B3GALT1: variants seen among roughly 807,000 people sequenced by gnomAD.
The protein encoded by B3GALT1 is beta-1,3-galactosyltransferase 1.
B3GALT1 carries 10 observed loss-of-function variants against 23.2 expected under a neutral mutation model. The observed-to-expected ratio is 0.43, with a 90% confidence interval of 0.27 to 0.73. The LOEUF (loss-of-function observed/expected upper bound fraction) is 0.73. B3GALT1 is among the 30% of genes least tolerant of loss of function. B3GALT1 has a pLI of 0.21. For synonymous variants in B3GALT1, 156 were observed against 141.5 expected (o/e 1.10, Z -0.73); for missense variants, 299 against 405.4 (o/e 0.74, Z 2.25).
intron 2 of B3GALT1, among the ~76,000 whole-genome samples, chr2:167,506,544 AAG>A (rs1699921107): frequency 6.6e-6 from 1 of 152,200 alleles, no homozygotes; most frequent in South Asian, 2.1e-4. Context: ...TGAGGAAAGA[AAG>A]AAGTAAAACC....
intron 4 of B3GALT1, among the ~76,000 whole-genome samples, chr2:167,851,786 C>T (rs1689897850): frequency 6.6e-6 from 1 of 152,206 alleles, no homozygotes; most frequent in African/African-American, 2.4e-5. Flanking sequence ...GAACCATCGC[C>T]TAGAGTTCCT....
chr2:167,495,514 G>C (rs1699772090), intron 2 of B3GALT1, among the ~76,000 whole-genome samples: 1 of 151,922 alleles, frequency 6.6e-6, no homozygotes, highest in Admixed American at 6.6e-5. Context: ...TGTATTTTTA[G>C]TAGAGACAGG....
At chr2:167,661,658 A>C (rs1207145345) in intron 3 of B3GALT1, among the ~76,000 whole-genome samples, 1 of 152,082 alleles carries the variant, frequency 6.6e-6, no homozygotes, top group Admixed American at 6.6e-5. Context: ...CCCCTGGGGC[A>C]CAAAATTGCA....
At chr2:167,334,302 ATCT>A (rs1220098757) in intron 1 of B3GALT1, among the ~76,000 whole-genome samples, 2 of 152,302 alleles carry the variant, frequency 1.3e-5, no homozygotes, top group Admixed American at 6.5e-5. Flanking sequence ...TCTCCTCCTA[ATCT>A]TCTAAGAGGA....
At chr2:167,581,338 T>C (rs1365683821) in intron 2 of B3GALT1, among the ~76,000 whole-genome samples, 1 of 152,232 alleles carries the variant, frequency 6.6e-6, no homozygotes, top group East Asian at 1.9e-4. Context: ...AAGTGTAATG[T>C]GCCTTTAGAA....
chr2:167,363,990 C>G (rs1269078060), intron 1 of B3GALT1, among the ~76,000 whole-genome samples: 1 of 151,848 alleles, frequency 6.6e-6, no homozygotes, highest in Non-Finnish European at 1.5e-5. Flanking sequence ...GAAACCCCGT[C>G]TCTACTAAAA....
At chr2:167,710,950 G>A (rs1687038471) in intron 3 of B3GALT1, among the ~76,000 whole-genome samples, 1 of 152,140 alleles carries the variant, frequency 6.6e-6, no homozygotes, top group South Asian at 2.1e-4. Context: ...GTGGCCCTGT[G>A]TAAAGCCCTC....
chr2:167,623,449 G>A (rs1460333870), intron 2 of B3GALT1, among the ~76,000 whole-genome samples: 1 of 152,118 alleles, frequency 6.6e-6, no homozygotes, highest in African/African-American at 2.4e-5. Context: ...CATGTCCTTT[G>A]CAGGGACATG....
intron 3 of B3GALT1, among the ~76,000 whole-genome samples, chr2:167,724,886 G>T (rs771080920): frequency 2.0e-5 from 3 of 152,156 alleles, no homozygotes; most frequent in Non-Finnish European, 2.9e-5. Flanking sequence ...AGACCTACAG[G>T]TGTCCAGGGA....
intron 3 of B3GALT1, among the ~76,000 whole-genome samples, chr2:167,668,989 A>C (rs73017407): frequency 0.012 from 1,836 of 152,080 alleles, 36 homozygotes; most frequent in African/African-American, 0.041. Context: ...GTCACTTTCC[A>C]ATGAGGCCTC....
intron 1 of B3GALT1, among the ~76,000 whole-genome samples, chr2:167,336,113 G>A (rs183581790): frequency 6.6e-6 from 1 of 151,806 alleles, no homozygotes; most frequent in East Asian, 1.9e-4. Flanking sequence ...TTGGTGGTGG[G>A]GATTCCAGAG....
At chr2:167,331,884 G>C (rs986635572) in intron 1 of B3GALT1, among the ~76,000 whole-genome samples, 1 of 152,170 alleles carries the variant, frequency 6.6e-6, no homozygotes, top group African/African-American at 2.4e-5. Context: ...CCTCTGCCTT[G>C]CTCCACAGCA....
intron 1 of B3GALT1, among the ~76,000 whole-genome samples, chr2:167,458,769 G>A (rs564608473): frequency 2.0e-5 from 3 of 152,212 alleles, no homozygotes; most frequent in East Asian, 3.9e-4. Context: ...AGAAATGTCT[G>A]TTCAAGTCCT....
chr2:167,329,610 A>C (rs1696942970), intron 1 of B3GALT1, among the ~76,000 whole-genome samples: 1 of 152,082 alleles, frequency 6.6e-6, no homozygotes, highest in South Asian at 2.1e-4. Flanking sequence ...CTTTCTTTAG[A>C]TCTAGTAATA....
chr2:167,835,433 GCA>G (rs1396174677), intron 4 of B3GALT1, among the ~76,000 whole-genome samples: 6 of 152,236 alleles, frequency 3.9e-5, no homozygotes, highest in African/African-American at 1.4e-4. Context: ...CTGATTGCTA[GCA>G]CAGCAGTCTG....
chr2:167,526,123 G>A (rs1050280417), intron 2 of B3GALT1, among the ~76,000 whole-genome samples: 15 of 151,976 alleles, frequency 9.9e-5, no homozygotes, highest in African/African-American at 3.1e-4. Context: ...TCTGGATACT[G>A]TTTATGTTTG....
chr2:167,294,037 T>A (rs1696304422), intron 1 of B3GALT1, among the ~76,000 whole-genome samples: 1 of 152,124 alleles, frequency 6.6e-6, no homozygotes, highest in Non-Finnish European at 1.5e-5. Context: ...AGCGCAGACT[T>A]GAGGATGGAG....
intron 4 of B3GALT1, among the ~76,000 whole-genome samples, chr2:167,838,760 T>C (rs1211963981): frequency 6.6e-6 from 1 of 152,402 alleles, no homozygotes; most frequent in South Asian, 2.1e-4. Context: ...TTGATGAACA[T>C]TGATGCAAAA....
chr2:167,440,119 G>A (rs1469703895), intron 1 of B3GALT1, among the ~76,000 whole-genome samples: 7 of 151,664 alleles, frequency 4.6e-5, no homozygotes, highest in South Asian at 2.1e-4. Context: ...CGAGGCGGGC[G>A]GATCACGAGG....
Sources: allele counts gnomAD v4.1 joint callset (sites outside exome capture counted in the v4.1 genomes callset), GRCh38; gene constraint gnomAD v4.1.1; transcripts MANE v1.5; gene names NCBI Gene and HGNC (gene_info 2026-07-23, HGNC 2026-07-21).